MCM5: variants seen among roughly 807,000 people sequenced by gnomAD.
MCM5 encodes minichromosome maintenance complex component 5.
MCM5 carries 46 observed loss-of-function variants against 79.9 expected under a neutral mutation model. The observed-to-expected ratio is 0.58, with a 90% CI of 0.45 to 0.74. The LOEUF (loss-of-function observed/expected upper bound fraction) is 0.74, where lower values mean the gene tolerates loss of function less well. Ranked by LOEUF, MCM5 falls within the 30% of genes least tolerant of loss-of-function variation. MCM5 has a pLI of 0.00. For missense variants in MCM5, 883 were observed against 1,017.0 expected (o/e 0.87, Z 1.79); for synonymous variants, 404 against 390.5 (o/e 1.03, Z -0.41).
Position 35,408,435 on chromosome 22 carries a change from A to T in MCM5, c.624A>T (p.Pro208=). The T allele has an allele frequency of 1.2e-6, 2 of 1,614,106 alleles. No homozygotes were observed. The highest frequency in any genetic ancestry group is 1.7e-6 in the Non-Finnish European group (2 of 1,179,998). Residue 208 remains proline, a synonymous_variant, in exon 6 of 17, where the codon CCA becomes CCT. Transcript: ENST00000216122. ...NTDQAGRPKC[P]LDPYFIMPDK... ...ATCAGGCTGGGCGCCCCAAATGCCC[A>T]TTGGACCCGTACTTCATCATGCCCG...
chr22:35,450,916 A>C, the MCM5 span, among the ~76,000 whole-genome samples: 2 of 152,170 alleles, frequency 1.3e-5, no homozygotes, highest in Non-Finnish European at 2.9e-5. Context: ...TTCATCCCCC[A>C]AGCCCTCAGG....
At chr22:35,407,574 C>T (rs549561301) in intron 5 of MCM5, among the ~76,000 whole-genome samples, 18 of 152,010 alleles carry the variant, frequency 1.2e-4, no homozygotes, top group African/African-American at 3.6e-4. Flanking sequence ...TGACTACCCC[C>T]AGTCTCACTG....
downstream of MCM5, among the ~76,000 whole-genome samples, chr22:35,427,696 A>G (rs930196030): frequency 2.0e-5 from 3 of 150,806 alleles, no homozygotes; most frequent in South Asian, 4.2e-4. Flanking sequence ...ATCCCTCCCT[A>G]GCCCCCCACC....
At position 35,410,897 on chromosome 22, in the gene MCM5, C is replaced by G. The variant is rs774041539; in HGVS notation, c.906C>G (p.Asp302Glu). 1.2e-6 allele frequency: 2 copies of G among 1,604,044 alleles called. No individual in the cohort carries two copies. The highest frequency in any genetic ancestry group is 1.7e-6 in the Non-Finnish European group (2 of 1,173,134). ...TCCGTGTCCTGGGCATCCAGGTGGA[C>G]ACAGATGGCTCTGGTGAGTTGGCTT... is the stretch of plus-strand genomic sequence containing the variant. ...SYIRVLGIQV[D>E]TDGSGRSFAG... is the part of the protein sequence containing the mutation. Residue 302 changes from aspartate (D) to glutamate (E), a missense_variant, in exon 7 of 17, where the codon GAC becomes GAG. Asp to Glu is a conservative substitution (Grantham distance 45). This residue lies in a region of MCM5 where 455 missense variants were observed against 517.5 expected (regional missense o/e 0.88). Coordinates refer to ENST00000216122, the MANE Select transcript of MCM5 (RefSeq NM_006739.4).
At chr22:35,449,121 T>G in the MCM5 span, among the ~76,000 whole-genome samples, 1 of 152,124 alleles carries the variant, frequency 6.6e-6, no homozygotes, top group African/African-American at 2.4e-5. Context: ...GCAACCCGTA[T>G]GGGCTTTGCA....
chr22:35,416,373 C>T lies in MCM5; in HGVS notation c.1382C>T (p.Ala461Val). 4 of 1,613,262 alleles carry T rather than the reference C, an allele frequency of 2.5e-6. No individual in the cohort carries two copies. In the South Asian group the frequency reaches 4.4e-5, roughly 18 times the overall value. Residue 461 changes from alanine to valine, a missense_variant, in exon 11 of 17, where the codon GCC (alanine) becomes GTC (valine). Physicochemically the swap from Ala to Val is moderately conservative, Grantham distance 64. Transcript: ENST00000216122. ...GATGACCGTGTGGCAATCCACGAAG[C>T]CATGGAGCAGCAGACCATCTCTATC... The part of the protein sequence containing the change: ...REDDRVAIHE[A>V]MEQQTISIAK...
the MCM5 span, among the ~76,000 whole-genome samples, chr22:35,450,898 C>T: frequency 6.6e-6 from 1 of 152,312 alleles, no homozygotes; most frequent in East Asian, 1.9e-4. Context: ...GAGGGGTCTA[C>T]CCACTCCTTC....
chr22:35,443,572 C>T, the MCM5 span, among the ~76,000 whole-genome samples: 5 of 152,352 alleles, frequency 3.3e-5, no homozygotes, highest in Non-Finnish European at 7.3e-5. Context: ...GCCTGTGAAT[C>T]TTTTCCTGCC....
chr22:35,424,139 C>G lies in MCM5; in HGVS notation c.2104-15C>G. The G allele has an allele frequency of 6.5e-7, 1 of 1,533,226 alleles. No individual in the cohort carries two copies. Among genetic ancestry groups the G allele is most frequent in the Non-Finnish European group, 8.8e-7 (1 of 1,131,694 alleles). 95.0% of individuals were successfully genotyped at this position (1,533,226 alleles called of 1,614,324 possible). ...CGGGCAGCACGTGCCGTTAGCCAGC[C>G]ATGTGCTCCCACAGAAATACCCGGA... is the stretch of plus-strand genomic sequence containing the variant. On this transcript the variant is annotated splice_polypyrimidine_tract_variant and intron_variant, in intron 16 of 16. Transcript: ENST00000216122.
intron 9 of MCM5, 91 bp downstream of exon 9, chr22:35,414,077 G>A: frequency 1.3e-6 from 1 of 783,040 alleles, no homozygotes; most frequent in Non-Finnish European, 2.2e-6. Context: ...CCTGTGGTGG[G>A]CTGGCTCACC....
chr22:35,447,372 C>T, the MCM5 span, among the ~76,000 whole-genome samples: 9 of 152,078 alleles, frequency 5.9e-5, no homozygotes, highest in African/African-American at 2.2e-4. Flanking sequence ...TAGCGATGCC[C>T]GAGATTGTAT....
chr22:35,406,583 C>A lies in MCM5; in HGVS notation c.454C>A (p.Pro152Thr). 5 of 1,613,832 alleles carry A rather than the reference C, an allele frequency of 3.1e-6. No individual in the cohort carries two copies. The highest frequency in any genetic ancestry group is 4.2e-6 in the Non-Finnish European group (5 of 1,179,950). Residue 152 changes from proline to threonine, a missense_variant, in exon 5 of 17, where the codon CCT (proline) becomes ACT (threonine). Pro to Thr is a conservative substitution (Grantham distance 38). This residue lies in a region of MCM5 where 455 missense variants were observed against 517.5 expected (regional missense o/e 0.88). Coordinates refer to ENST00000216122, the MANE Select transcript of MCM5 (RefSeq NM_006739.4). Reference protein sequence around the residue: ...SDMMSHLVKIPGIIIAASAVR... With the variant: ...SDMMSHLVKITGIIIAASAVR... ...CATGATGTCACACCTGGTGAAGATC[C>A]CTGGCATCATCATCGCGGCCTCTGC...
At position 35,406,655 on chromosome 22, in the gene MCM5, C is replaced by T. The variant is rs374503051; in HGVS notation, c.526C>T (p.Arg176Cys). 123 of 1,612,324 alleles carry T rather than the reference C, an allele frequency of 7.6e-5. No homozygotes were observed. The highest frequency in any genetic ancestry group is 1.7e-4 in the Admixed American group (10 of 60,002). ...TRISIQCRSC[R>C]NTLTNIAMRP... ...CATCTCTATCCAGTGCCGCAGCTGC[C>T]GCAACACCCTCACCAACATTGCCAT... The change falls in exon 5 of 17, where the codon CGC becomes TGC. Residue 176 changes from arginine (R) to cysteine (C), a missense_variant. Physicochemically the swap from Arg to Cys is radical, Grantham distance 180. Transcript: ENST00000216122.
the MCM5 span, among the ~76,000 whole-genome samples, chr22:35,452,947 G>A: frequency 6.6e-6 from 1 of 152,080 alleles, no homozygotes; most frequent in Non-Finnish European, 1.5e-5. Flanking sequence ...GGAAAGTGCC[G>A]CTATCCCTGC....
chr22:35,453,471 AAGAGACAGAGGGAC>A, the MCM5 span, among the ~76,000 whole-genome samples: 1 of 151,542 alleles, frequency 6.6e-6, no homozygotes, highest in African/African-American at 2.4e-5. Context: ...GAGACAGAGA[AAGAGACAGAGGGAC>A]AGATACAGAG....
At chr22:35,423,154 TC>T in intron 15 of MCM5, 59 bp from the exon 16 acceptor site, 16 of 1,496,162 alleles carry the variant, frequency 1.1e-5, no homozygotes, top group Non-Finnish European at 1.4e-5. Flanking sequence ...AGAGGCTGTC[TC>T]TGTCCAAGAA....
the MCM5 span, among the ~76,000 whole-genome samples, chr22:35,440,717 G>A: frequency 2.0e-5 from 3 of 152,176 alleles, no homozygotes; most frequent in Non-Finnish European, 2.9e-5. Flanking sequence ...CTGGTCTGGA[G>A]GCAGGCATGC....
the MCM5 span, among the ~76,000 whole-genome samples, chr22:35,444,404 C>T: frequency 1.1e-4 from 17 of 152,282 alleles, no homozygotes; most frequent in East Asian, 3.9e-4. Flanking sequence ...GTGCTGTCTG[C>T]AGCCAGCTGC....
chr22:35,452,242 GT>G, the MCM5 span, among the ~76,000 whole-genome samples: 3 of 152,134 alleles, frequency 2.0e-5, no homozygotes, highest in Non-Finnish European at 4.4e-5. Context: ...CTTTGCACCT[GT>G]GGAACCCCCT....
Sources: allele counts gnomAD v4.1 joint callset (sites outside exome capture counted in the v4.1 genomes callset), GRCh38; gene constraint gnomAD v4.1.1; regional missense constraint gnomAD v4.1.1; transcripts MANE v1.5; gene names NCBI Gene and HGNC (gene_info 2026-07-23, HGNC 2026-07-21).